Variants in RB1 observed in about 807,000 individuals in gnomAD.
RB1 encodes RB transcriptional corepressor 1.
A neutral mutation model predicts 135.4 loss-of-function variants in RB1; 18 were observed. That is an observed-to-expected ratio of 0.13 (90% confidence interval 0.09 to 0.20). The LOEUF is 0.20. Ranked by LOEUF, RB1 falls within the 10% of genes least tolerant of loss-of-function variation. The pLI is 1.00. For synonymous variants in RB1, 365 were observed against 373.2 expected (o/e 0.98, Z 0.25); for missense variants, 868 against 1,110.0 (o/e 0.78, Z 3.10).
chr13:48,445,593 C>T (rs548989648), intron 17 of RB1, among the ~76,000 whole-genome samples: 4 of 152,248 alleles, frequency 2.6e-5, no homozygotes, highest in African/African-American at 9.6e-5. Flanking sequence ...CATTTCAAGA[C>T]TCAGCGTCCA....
chr13:48,304,070 T>A (rs2138028234), intron 1 of RB1, 21 bp downstream of exon 1: 1 of 1,404,230 alleles, frequency 7.1e-7, no homozygotes. Flanking sequence ...AGAGCCGCCG[T>A]CGCCTCACGC....
At chr13:48,344,462 G>C (rs532948707) in intron 3 of RB1, among the ~76,000 whole-genome samples, 1 of 152,146 alleles carries the variant, frequency 6.6e-6, no homozygotes, top group East Asian at 1.9e-4. Context: ...GCAGGCAGCC[G>C]GTGCACAAGT....
intron 17 of RB1, chr13:48,391,559 A>G (rs1555287537): frequency 6.6e-6 from 1 of 152,160 alleles, no homozygotes; most frequent in Non-Finnish European, 1.5e-5. Flanking sequence ...GTTCAAAACC[A>G]GCCTAGGCAA....
intron 9 of RB1, among the ~76,000 whole-genome samples, chr13:48,366,358 G>A (rs1331962213): frequency 6.6e-6 from 1 of 152,094 alleles, no homozygotes; most frequent in Non-Finnish European, 1.5e-5. Context: ...CCTCAACTAA[G>A]GTAGGACAGG....
intron 17 of RB1, chr13:48,411,932 G>C: frequency 6.2e-7 from 1 of 1,612,530 alleles, no homozygotes; most frequent in Non-Finnish European, 8.5e-7. Context: ...AGGCTTCTGA[G>C]GCATTGTTAC....
At chr13:48,461,913 A>G (rs745462627) in intron 20 of RB1, among the ~76,000 whole-genome samples, 5 of 151,040 alleles carry the variant, frequency 3.3e-5, no homozygotes, top group African/African-American at 1.2e-4. Context: ...GCTCACGGCA[A>G]TCTTCGCCTT....
intron 17 of RB1, among the ~76,000 whole-genome samples, chr13:48,442,364 C>T (rs1949246420): frequency 6.6e-6 from 1 of 152,066 alleles, no homozygotes; most frequent in South Asian, 2.1e-4. Flanking sequence ...CCATGCCCGG[C>T]TAATTTTTTG....
intron 19 of RB1, among the ~76,000 whole-genome samples, chr13:48,458,074 G>A (rs1348499601): frequency 1.3e-5 from 2 of 152,212 alleles, no homozygotes; most frequent in Non-Finnish European, 2.9e-5. Context: ...AGAAGCACTG[G>A]GGAGCTCCTG....
intron 17 of RB1, among the ~76,000 whole-genome samples, chr13:48,385,457 C>A (rs1014868094): frequency 6.6e-6 from 1 of 152,122 alleles, no homozygotes; most frequent in Non-Finnish European, 1.5e-5. Context: ...GAGGAGAAGG[C>A]TTTTAGTCTA....
intron 17 of RB1, among the ~76,000 whole-genome samples, chr13:48,414,114 G>A (rs1419248892): frequency 1.3e-5 from 2 of 152,048 alleles, no homozygotes; most frequent in African/African-American, 2.4e-5. Flanking sequence ...TTGGAAGGCC[G>A]AGGCAGGTGG....
chr13:48,318,401 C>T (rs1952204510), intron 2 of RB1: 2 of 1,501,268 alleles, frequency 1.3e-6, no homozygotes, highest in African/African-American at 1.4e-5. Context: ...CCTTGATGGC[C>T]GTGTCCAGGT....
At chr13:48,459,619 G>A in intron 19 of RB1, 69 bp from the exon 20 acceptor site, 1 of 1,533,794 alleles carries the variant, frequency 6.5e-7, no homozygotes, top group Non-Finnish European at 9.0e-7. Flanking sequence ...GCGATTTCAT[G>A]ATTTGAAAAA....
intron 17 of RB1, among the ~76,000 whole-genome samples, chr13:48,430,147 G>C (rs1949114700): frequency 6.6e-6 from 1 of 152,072 alleles, no homozygotes; most frequent in African/African-American, 2.4e-5. Flanking sequence ...CTTTTAACAG[G>C]TCAAAGTAGT....
rs1060503078 is a variant in RB1 at position 48,377,020 on chromosome 13, G to A, written c.1318G>A (p.Glu440Lys). Residue 440 changes from glutamate (E) to lysine (K), a missense_variant, in exon 13 of 27, where the codon GAA becomes AAA. This residue lies in a region of RB1 where 641 missense variants were observed against 791.3 expected (regional missense o/e 0.81). Coordinates refer to ENST00000267163, the MANE Select transcript of RB1 (RefSeq NM_000321.3). ...FAKAVGQGCV[E>K]IGSQRYKLGV... ...TAAAGCTGTGGGACAGGGTTGTGTC[G>A]AAATTGGATCACAGGTAACTTGAAT... 1.9e-5 allele frequency: 31 copies of A among 1,613,546 alleles called. No individual in the cohort carries two copies. Among genetic ancestry groups the A allele is most frequent in the Non-Finnish European group, 2.2e-5 (26 of 1,179,780 alleles).
At position 48,481,852 on chromosome 13, in the gene RB1, TTGTC is replaced by T. The variant is rs1429716428; in HGVS notation, c.*1783_*1786del. 2 of 218,898 alleles carry T rather than the reference TTGTC, an allele frequency of 9.1e-6. No homozygotes were observed. Among genetic ancestry groups the T allele is most frequent in the Non-Finnish European group, 1.8e-5 (2 of 109,322 alleles). The allele number at this position is 218,898 out of a possible 1,614,324, so 13.6% of individuals were successfully genotyped here. A position where few individuals can be genotyped will look rare whatever the true frequency, so the allele number is the denominator to read the frequency against. On this transcript the variant is annotated 3_prime_UTR_variant, in exon 27 of 27. Transcript: ENST00000267163. ...GTTACTATTTTCTACAATTAATAGT[TTGTC>T]TATTTTAAAATAAATTAGTTGTTAA...
chr13:48,318,251 C>T (rs1952203047), intron 2 of RB1: 2 of 771,216 alleles, frequency 2.6e-6, no homozygotes, highest in Non-Finnish European at 4.1e-6. Flanking sequence ...TAAGCACCGG[C>T]GGGCTTCTGT....
At chr13:48,421,492 G>A (rs1249503242) in intron 17 of RB1, among the ~76,000 whole-genome samples, 3 of 152,146 alleles carry the variant, frequency 2.0e-5, no homozygotes, top group East Asian at 3.8e-4. Flanking sequence ...AAAAGCAATG[G>A]TAACAAAAGC....
chr13:48,309,833 G>A (rs1952116403), intron 2 of RB1, among the ~76,000 whole-genome samples: 1 of 152,046 alleles, frequency 6.6e-6, no homozygotes. Flanking sequence ...AACAGTAGAG[G>A]CTCTTTTGAG....
intron 17 of RB1, among the ~76,000 whole-genome samples, chr13:48,407,193 A>G (rs1948748200): frequency 6.6e-6 from 1 of 152,238 alleles, no homozygotes. Context: ...CTTGAAATCT[A>G]TTATGAGTAA....
Sources: allele counts gnomAD v4.1 joint callset (sites outside exome capture counted in the v4.1 genomes callset), GRCh38; gene constraint gnomAD v4.1.1; regional missense constraint gnomAD v4.1.1; transcripts MANE v1.5; gene names NCBI Gene and HGNC (gene_info 2026-07-23, HGNC 2026-07-21).